Variants in PTPRK observed in about 807,000 individuals in gnomAD.
The protein encoded by PTPRK is protein tyrosine phosphatase receptor type K.
A neutral mutation model predicts 178.0 loss-of-function variants in PTPRK; 75 were observed. That is an observed-to-expected ratio of 0.42 (90% CI 0.35 to 0.51). The LOEUF (loss-of-function observed/expected upper bound fraction) is 0.51, where lower values mean the gene tolerates loss of function less well. Among genes scored for constraint, PTPRK ranks in the 20% least tolerant of loss-of-function variants. The pLI, the probability that PTPRK is intolerant of heterozygous loss-of-function variation, is 0.02. For synonymous variants in PTPRK, 637 were observed against 620.6 expected (o/e 1.03, Z -0.39); for missense variants, 1,441 against 1,797.8 (o/e 0.80, Z 3.59).
At chr6:128,030,763 CAA>C (rs1423315173) in intron 13 of PTPRK, among the ~76,000 whole-genome samples, 2 of 152,058 alleles carry the variant, frequency 1.3e-5, no homozygotes, top group African/African-American at 4.8e-5. Flanking sequence ...TTTTTTCCCC[CAA>C]GTCAGAAATC....
At chr6:128,131,604 C>T (rs372519744) in intron 7 of PTPRK, among the ~76,000 whole-genome samples, 27 of 152,208 alleles carry the variant, frequency 1.8e-4, no homozygotes, top group East Asian at 1.5e-3. Flanking sequence ...TTCCAGTGTC[C>T]CTCTGACCAG....
chr6:128,221,302 A>T (rs2128273359), intron 5 of PTPRK, among the ~76,000 whole-genome samples: 1 of 152,124 alleles, frequency 6.6e-6, no homozygotes, highest in Non-Finnish European at 1.5e-5. Context: ...AGGCGGCTGG[A>T]TCACGAGGTC....
At chr6:128,349,149 A>G (rs987160860) in intron 2 of PTPRK, among the ~76,000 whole-genome samples, 1 of 152,144 alleles carries the variant, frequency 6.6e-6, no homozygotes. Context: ...GTCCAGAAAC[A>G]TGAACAACAC....
chr6:128,424,181 T>G (rs973569352), intron 1 of PTPRK, among the ~76,000 whole-genome samples: 1 of 152,078 alleles, frequency 6.6e-6, no homozygotes, highest in Non-Finnish European at 1.5e-5. Context: ...TGCAGTGAGT[T>G]ATAATCACAA....
intron 3 of PTPRK, among the ~76,000 whole-genome samples, chr6:128,317,678 T>C (rs1240344044): frequency 3.3e-5 from 5 of 152,188 alleles, no homozygotes; most frequent in Non-Finnish European, 7.3e-5. Flanking sequence ...GCTCCTTGAA[T>C]GCCTTCTTCT....
At chr6:128,053,303 C>T (rs1779360270) in intron 13 of PTPRK, among the ~76,000 whole-genome samples, 1 of 152,096 alleles carries the variant, frequency 6.6e-6, no homozygotes, top group Non-Finnish European at 1.5e-5. Flanking sequence ...CTGTGCTCCT[C>T]ACTCCATGCA....
At chr6:128,235,745 C>T (rs1227475156) in intron 5 of PTPRK, 3 of 343,254 alleles carry the variant, frequency 8.7e-6, no homozygotes, top group East Asian at 1.0e-4. Context: ...CCATCAAAAT[C>T]GTCATGGCTC....
intron 24 of PTPRK, among the ~76,000 whole-genome samples, chr6:127,982,214 A>T (rs1775426296): frequency 6.6e-6 from 1 of 152,188 alleles, no homozygotes. Context: ...ACTGCATGAA[A>T]AAAAGGCTAT....
chr6:128,044,829 ATG>A (rs962892207), intron 13 of PTPRK, among the ~76,000 whole-genome samples: 1 of 151,810 alleles, frequency 6.6e-6, no homozygotes. Flanking sequence ...ATTTGTATAT[ATG>A]TGTGTGTGTA....
Position 128,322,249 on chromosome 6 carries a change from C to G in PTPRK, c.285G>C (p.Leu95=), listed in dbSNP as rs1828900713. The change falls in exon 3 of 30, where the codon CTG becomes CTC. Residue 95 remains leucine, a synonymous_variant. Transcript: ENST00000368226. ...HDPGEKARLQ[L]PTMKENDTHC... is the part of the protein sequence containing the mutation. ...GAGTGTCGTTCTCCTTCATTGTAGG[C>G]AGCTGAAGTCTGGCTTTTTCTCCAG... is the stretch of plus-strand genomic sequence containing the variant. The G allele has an allele frequency of 1.2e-6, 2 of 1,612,434 alleles. No individual in the cohort carries two copies. The highest frequency in any genetic ancestry group is 1.7e-6 in the Non-Finnish European group (2 of 1,178,566).
At chr6:128,319,279 C>T (rs1370736108) in intron 3 of PTPRK, among the ~76,000 whole-genome samples, 4 of 152,176 alleles carry the variant, frequency 2.6e-5, no homozygotes, top group Non-Finnish European at 4.4e-5. Context: ...ATTTAACCAT[C>T]GCTATGGTAT....
At chr6:128,034,696 G>A (rs576650370) in intron 13 of PTPRK, among the ~76,000 whole-genome samples, 6 of 152,136 alleles carry the variant, frequency 3.9e-5, no homozygotes, top group Non-Finnish European at 7.4e-5. Flanking sequence ...AGTTGTATGA[G>A]ACAGTTGTTT....
chr6:128,020,444 T>C (rs1031714834), intron 13 of PTPRK, among the ~76,000 whole-genome samples: 1 of 152,180 alleles, frequency 6.6e-6, no homozygotes, highest in Admixed American at 6.5e-5. Context: ...ATAATGTCAG[T>C]GATATTTTTT....
At chr6:128,391,616 C>T (rs1045106006) in intron 2 of PTPRK, among the ~76,000 whole-genome samples, 2 of 151,934 alleles carry the variant, frequency 1.3e-5, no homozygotes, top group African/African-American at 2.4e-5. Flanking sequence ...AAAAACTATG[C>T]TTTTTTATTA....
intron 2 of PTPRK, among the ~76,000 whole-genome samples, chr6:128,368,086 G>A (rs561391851): frequency 6.6e-6 from 1 of 152,176 alleles, no homozygotes; most frequent in African/African-American, 2.4e-5. Flanking sequence ...TGTTTTGTAA[G>A]TCACTGGATT....
intron 13 of PTPRK, among the ~76,000 whole-genome samples, chr6:128,048,842 A>G (rs1316400384): frequency 1.3e-5 from 2 of 152,164 alleles, no homozygotes; most frequent in Admixed American, 1.3e-4. Flanking sequence ...TCCTCCTTGG[A>G]TACTAAGGAA....
intron 2 of PTPRK, among the ~76,000 whole-genome samples, chr6:128,361,653 GT>G (rs1223977388): frequency 6.6e-6 from 1 of 151,966 alleles, no homozygotes; most frequent in Non-Finnish European, 1.5e-5. Flanking sequence ...GTACAGCATG[GT>G]GCTGTACTGA....
At chr6:128,322,990 C>T (rs1206164044) in intron 2 of PTPRK, among the ~76,000 whole-genome samples, 1 of 152,090 alleles carries the variant, frequency 6.6e-6, no homozygotes, top group African/African-American at 2.4e-5. Flanking sequence ...GTCTCACCCA[C>T]TAAGGTGTCA....
chr6:128,104,457 C>T (rs1328365335), intron 7 of PTPRK, among the ~76,000 whole-genome samples: 2 of 152,200 alleles, frequency 1.3e-5, no homozygotes, highest in African/African-American at 2.4e-5. Flanking sequence ...CTCCTAACCT[C>T]GTGATCCGCC....
Sources: allele counts gnomAD v4.1 joint callset (sites outside exome capture counted in the v4.1 genomes callset), GRCh38; gene constraint gnomAD v4.1.1; transcripts MANE v1.5; gene names NCBI Gene and HGNC (gene_info 2026-07-23, HGNC 2026-07-21).